The following IRAG1 variants were observed in gnomAD, a reference collection of about 807,000 sequenced individuals.
IRAG1 encodes the protein inositol 1,4,5-triphosphate receptor associated 1.
A neutral mutation model predicts 106.2 loss-of-function variants in IRAG1; 62 were observed. The ratio of observed to expected loss-of-function variants is 0.58; its 90% CI spans 0.48 to 0.72. The LOEUF (loss-of-function observed/expected upper bound fraction) is 0.72, where lower values mean the gene tolerates loss of function less well. Ranked by LOEUF, IRAG1 falls within the 30% of genes least tolerant of loss-of-function variation. The pLI is 0.00. For synonymous variants in IRAG1, 462 were observed against 443.9 expected, an observed-to-expected ratio of 1.04 and a Z score of -0.51; for missense variants, 1,064 against 1,140.7, an observed-to-expected ratio of 0.93 and a Z score of 0.97.
At chr11:10,588,232 C>G (rs1852244762) in intron 18 of IRAG1, among the ~76,000 whole-genome samples, 1 of 152,208 alleles carries the variant, frequency 6.6e-6, no homozygotes, top group Non-Finnish European at 1.5e-5. Flanking sequence ...CTTGAATACT[C>G]CATACTTTGT....
At chr11:10,686,348 T>C (rs2135250658) in intron 1 of IRAG1, among the ~76,000 whole-genome samples, 1 of 152,254 alleles carries the variant, frequency 6.6e-6, no homozygotes, top group South Asian at 2.1e-4. Flanking sequence ...TGGAGAGCCA[T>C]AGAAAGTGAC....
At chr11:10,680,368 A>AGAAAGAAAGAAAGAAAGAAAGAAG (rs1186897932) in intron 1 of IRAG1, among the ~76,000 whole-genome samples, 10 of 80,954 alleles carry the variant, frequency 1.2e-4, no homozygotes, top group East Asian at 5.7e-4. Context: ...AAAGAAAGAA[A>AGAAAGAAAGAAAGAAAGAAAGAAG]GAAGGAAGGA....
At chr11:10,621,193 G>A (rs1420630795) in intron 10 of IRAG1, among the ~76,000 whole-genome samples, 1 of 152,194 alleles carries the variant, frequency 6.6e-6, no homozygotes, top group African/African-American at 2.4e-5. Context: ...TCTCTTTAAA[G>A]ATGGTTATTT....
In IRAG1 at chr11:10,581,868, C is replaced by A; in HGVS notation, c.2359G>T (p.Gly787Ter). The change falls in exon 19 of 21, where the codon GGA becomes TGA. Residue 787 changes from glycine to a stop codon, truncating the protein, a stop_gained and splice_region_variant. Coordinates refer to ENST00000423302, the MANE Select transcript of IRAG1 (RefSeq NM_130385.4). LOFTEE classifies it high-confidence loss of function. The part of the protein sequence containing the change: ...ARMEEEAYSK[G>*]FQEGLKKTKE... Reference sequence around the variant, plus strand: ...TGGGGTGGCTGAGGTCTGACTCACCCCTTGCTGTAGGCTTCTTCCTCCATC... The same window carrying A: ...TGGGGTGGCTGAGGTCTGACTCACCACTTGCTGTAGGCTTCTTCCTCCATC... The A allele has an allele frequency of 6.2e-7, 1 of 1,613,598 alleles. No individual in the cohort carries two copies. Among genetic ancestry groups the A allele is most frequent in the Middle Eastern group, 1.7e-4 (1 of 6,058 alleles).
intron 1 of IRAG1, among the ~76,000 whole-genome samples, chr11:10,674,204 G>A (rs562427806): frequency 6.6e-6 from 1 of 152,326 alleles, no homozygotes; most frequent in Admixed American, 6.5e-5. Context: ...CAGAGAGCGA[G>A]AGCTGGGATG....
chr11:10,582,259 A>AT (rs778354902), intron 18 of IRAG1, among the ~76,000 whole-genome samples: 1 of 152,094 alleles, frequency 6.6e-6, no homozygotes, highest in Non-Finnish European at 1.5e-5. Flanking sequence ...AGATGCTGTA[A>AT]TGGGTGATCT....
chr11:10,658,104 G>A (rs996513412), intron 1 of IRAG1, among the ~76,000 whole-genome samples: 2 of 152,242 alleles, frequency 1.3e-5, no homozygotes, highest in Non-Finnish European at 2.9e-5. Context: ...TCGCAGGAGA[G>A]AGGATGCTCC....
Position 10,603,132 on chromosome 11 carries a change from G to A in IRAG1, c.1863C>T (p.Gly621=), listed in dbSNP as rs769858515. Reference sequence around the variant, plus strand: ...TGGAGAGACTCACCTGGCGGACGGCGCCTACCACCTCAGCTCGGCTGGAGA... The same window carrying A: ...TGGAGAGACTCACCTGGCGGACGGCACCTACCACCTCAGCTCGGCTGGAGA... ...ARLSSRAEVV[G]AVRQEKRMSK... The change falls in exon 14 of 21, where the codon GGC becomes GGT. Residue 621 remains glycine (G), a synonymous_variant. Coordinates refer to ENST00000423302, the MANE Select transcript of IRAG1 (RefSeq NM_130385.4). The A allele has an allele frequency of 2.2e-5, 35 of 1,610,250 alleles. No individual in the cohort carries two copies. The East Asian group carries it at 2.7e-4, about 12-fold the overall frequency.
intron 1 of IRAG1, among the ~76,000 whole-genome samples, chr11:10,685,125 C>T (rs1861568591): frequency 6.6e-6 from 1 of 152,154 alleles, no homozygotes. Flanking sequence ...TGTCTCCTAT[C>T]ATATACTGGC....
chr11:10,690,366 C>T, intron 1 of IRAG1: 1 of 1,270,998 alleles, frequency 7.9e-7, no homozygotes, highest in Non-Finnish European at 1.0e-6. Context: ...GTGCGAGACC[C>T]TGTCTAAAAA....
At chr11:10,692,084 C>T (rs966957317) in intron 1 of IRAG1, among the ~76,000 whole-genome samples, 8 of 152,128 alleles carry the variant, frequency 5.3e-5, no homozygotes, top group Non-Finnish European at 1.2e-4. Flanking sequence ...GCAGCTAGCA[C>T]ATGGTTATCC....
In IRAG1 at chr11:10,665,586, TC is replaced by T. The variant is rs1859725971; in HGVS notation, c.68-13405del. On this transcript the variant is annotated intron_variant, in intron 1 of 20. Coordinates refer to ENST00000423302, the MANE Select transcript of IRAG1 (RefSeq NM_130385.4). The surrounding 1 kb of genome is among the most constrained non-coding windows in gnomAD (Gnocchi z 4.2). ...CTGGATAGGCTCTCACTCTCAACCC[TC>T]CCCAGAAGAGCAGACCCCAAGACCG... is the stretch of plus-strand genomic sequence containing the variant. Among the ~76,000 whole-genome samples, 1 of 152,020 alleles carries T rather than the reference TC, an allele frequency of 6.6e-6. No individual in the cohort carries two copies. Among genetic ancestry groups the T allele is most frequent in the South Asian group, 2.1e-4 (1 of 4,828 alleles).
chr11:10,652,299 G>C, intron 1 of IRAG1, 117 bp from the exon 2 acceptor site: 1 of 1,520,098 alleles, frequency 6.6e-7, no homozygotes. Context: ...ATCAACACCG[G>C]AGGTCAAACC....
chr11:10,593,660 A>G, intron 16 of IRAG1, 61 bp from the exon 17 acceptor site: 1 of 1,320,916 alleles, frequency 7.6e-7, no homozygotes, highest in Non-Finnish European at 1.1e-6. Flanking sequence ...ATAGTTCAGA[A>G]GGGCTGGGAA....
chr11:10,681,671 G>A (rs183389666), intron 1 of IRAG1, among the ~76,000 whole-genome samples: 9 of 152,310 alleles, frequency 5.9e-5, no homozygotes, highest in East Asian at 1.9e-4. Context: ...CACAACATGA[G>A]TTGAAGGCAG....
chr11:10,677,799 GGCCCTGCCAA>G lies in IRAG1; in HGVS notation c.67+15727_67+15736del, dbSNP rs556551031. On this transcript the variant is annotated intron_variant, in intron 1 of 20. Coordinates refer to ENST00000423302, the MANE Select transcript of IRAG1 (RefSeq NM_130385.4). ...CACTCCCTGTTCCTCCTTTCTGGCAGGCCCTGCCAACCACGAATCTGCTTTCTGTCCCTGT... is the reference window on the plus strand; with the variant it reads ...CACTCCCTGTTCCTCCTTTCTGGCAGCCACGAATCTGCTTTCTGTCCCTGT... Among the ~76,000 whole-genome samples the G allele has an allele frequency of 1.8e-4, 28 of 152,284 alleles. No individual in the cohort carries two copies. The East Asian group carries it at 5.4e-3, about 29-fold the overall frequency.
chr11:10,680,785 A>G (rs1200529788), intron 1 of IRAG1, among the ~76,000 whole-genome samples: 1 of 152,196 alleles, frequency 6.6e-6, no homozygotes, highest in Non-Finnish European at 1.5e-5. Context: ...GAATTATGTA[A>G]TATAAACTTC....
chr11:10,671,030 G>A (rs1339109122), intron 1 of IRAG1, among the ~76,000 whole-genome samples: 1 of 152,198 alleles, frequency 6.6e-6, no homozygotes, highest in Non-Finnish European at 1.5e-5. Context: ...TTAAATTCAA[G>A]TCTGTTTCAA....
At chr11:10,630,482 C>T (rs1232020622) in intron 4 of IRAG1, among the ~76,000 whole-genome samples, 5 of 152,074 alleles carry the variant, frequency 3.3e-5, no homozygotes. Flanking sequence ...AGTGATTCTC[C>T]TGCCTCAGCC....
Sources: allele counts gnomAD v4.1 joint callset (sites outside exome capture counted in the v4.1 genomes callset), GRCh38; gene constraint gnomAD v4.1.1; non-coding constraint Gnocchi (gnomAD v3.1); transcripts MANE v1.5; gene names NCBI Gene and HGNC (gene_info 2026-07-23, HGNC 2026-07-21).